Variants in ICA1L observed in about 807,000 individuals in gnomAD.
ICA1L encodes the protein islet cell autoantigen 1-like protein.
Under a neutral mutation model 61.3 loss-of-function variants are expected in ICA1L, and 50 were observed. That is an observed-to-expected ratio of 0.82 (90% CI 0.65 to 1.03). ICA1L has a LOEUF of 1.03. ICA1L is among the 50% of genes least tolerant of loss of function. ICA1L has a pLI of 0.00. For synonymous variants in ICA1L, 161 were observed against 191.3 expected (o/e 0.84, Z 1.31); for missense variants, 508 against 556.7 (o/e 0.91, Z 0.88).
intron 1 of ICA1L, among the ~76,000 whole-genome samples, chr2:202,861,275 C>T (rs141056402): frequency 1.9e-4 from 29 of 150,826 alleles, no homozygotes; most frequent in African/African-American, 6.1e-4. Flanking sequence ...AGTGGTGGCT[C>T]GCACCTGTAG....
chr2:202,866,072 A>G (rs1044876836), intron 1 of ICA1L, among the ~76,000 whole-genome samples: 2 of 152,262 alleles, frequency 1.3e-5, no homozygotes, highest in African/African-American at 4.8e-5. Flanking sequence ...ACACACAGAA[A>G]TAGATCCATA....
chr2:202,821,625 A>G (rs549199293), intron 3 of ICA1L, 144 bp from the exon 4 acceptor site: 6 of 552,762 alleles, frequency 1.1e-5, no homozygotes, highest in South Asian at 7.4e-5. Context: ...TTTAAATGCA[A>G]TTCCTGGGCT....
rs192708880 is a variant in ICA1L at position 202,853,226 on chromosome 2, G to A, written c.-8+18393C>T. 5.5e-3 allele frequency among the ~76,000 whole-genome samples: 829 copies of A among 151,544 alleles called. 5 individuals are homozygous for A. The highest frequency in any genetic ancestry group is 0.019 in the African/African-American group (788 of 41,344). On this transcript the variant is annotated intron_variant, in intron 1 of 12. Transcript: ENST00000358299. ...ACAAAAATTAGCTGGGCGTAGTGGC[G>A]GGCACCTGTAGTCCCAGCTACTCGG...
intron 3 of ICA1L, among the ~76,000 whole-genome samples, chr2:202,822,269 C>T (rs1693723293): frequency 6.6e-6 from 1 of 152,156 alleles, no homozygotes; most frequent in African/African-American, 2.4e-5. Context: ...TCAAGTGATC[C>T]TCCTGCCTCA....
chr2:202,868,220 A>G (rs1687579392), intron 1 of ICA1L, among the ~76,000 whole-genome samples: 1 of 152,232 alleles, frequency 6.6e-6, no homozygotes, highest in African/African-American at 2.4e-5. Flanking sequence ...TCCCCTCAAA[A>G]ACAAAAAAAA....
intron 2 of ICA1L, among the ~76,000 whole-genome samples, chr2:202,827,054 G>C (rs776532502): frequency 6.6e-6 from 1 of 152,098 alleles, no homozygotes. Context: ...ATCTGGATTT[G>C]GCAATTGTAA....
intron 1 of ICA1L, among the ~76,000 whole-genome samples, chr2:202,857,708 A>T (rs1331411781): frequency 6.6e-6 from 1 of 152,164 alleles, no homozygotes; most frequent in Non-Finnish European, 1.5e-5. Context: ...ATGGGGGAAA[A>T]TTTTTGCAAT....
At chr2:202,792,193 T>C (rs201507949) in intron 10 of ICA1L, among the ~76,000 whole-genome samples, 1 of 152,016 alleles carries the variant, frequency 6.6e-6, no homozygotes, top group East Asian at 1.9e-4. Flanking sequence ...ATATAGACAA[T>C]ACCAAATGTT....
intron 2 of ICA1L, among the ~76,000 whole-genome samples, chr2:202,826,255 CT>C (rs1281137850): frequency 2.6e-5 from 4 of 151,748 alleles, no homozygotes; most frequent in Non-Finnish European, 4.4e-5. Context: ...TTTTTATATT[CT>C]TTTTTTAGAA....
Position 202,828,974 on chromosome 2 carries a change from AT to A in ICA1L, c.35del (p.Asn12IlefsTer4). ...DSFGQPRPED[N>X]QSVVRRMQKK... ...TTTGCATTCTTCTGACTACTGACTG[AT>A]TATCTTCTGGTCTGGGTTGCCCAAA... On this transcript the variant is annotated frameshift_variant, in exon 2 of 13. Transcript: ENST00000358299. LOFTEE classifies it high-confidence loss of function. 6.2e-7 allele frequency: 1 copy of A among 1,604,146 alleles called. No individual in the cohort carries two copies. The highest frequency in any genetic ancestry group is 8.5e-7 in the Non-Finnish European group (1 of 1,175,528).
intron 1 of ICA1L, among the ~76,000 whole-genome samples, chr2:202,848,380 G>A (rs1405335159): frequency 1.3e-5 from 2 of 152,202 alleles, no homozygotes; most frequent in Non-Finnish European, 2.9e-5. Flanking sequence ...ACCGAAACAA[G>A]TTTACTGAAG....
chr2:202,842,255 T>A (rs1180770763), intron 1 of ICA1L, among the ~76,000 whole-genome samples: 2 of 152,224 alleles, frequency 1.3e-5, no homozygotes, highest in African/African-American at 4.8e-5. Context: ...ACCAATGAGT[T>A]TTATACTTTT....
chr2:202,840,461 G>A (rs1434173188), intron 1 of ICA1L: 2 of 502,362 alleles, frequency 4.0e-6, no homozygotes, highest in African/African-American at 1.9e-5. Context: ...GCCAAAGCTG[G>A]AGCCGAGGCC....
chr2:202,867,565 T>C (rs1440435645), intron 1 of ICA1L, among the ~76,000 whole-genome samples: 1 of 152,202 alleles, frequency 6.6e-6, no homozygotes, highest in Non-Finnish European at 1.5e-5. Flanking sequence ...TGGTCCATCA[T>C]TGACCAAAAC....
chr2:202,829,011 G>C lies in ICA1L; in HGVS notation c.-2C>G. On this transcript the variant is annotated 5_prime_UTR_variant, in exon 2 of 13. Transcript: ENST00000358299. ...TCTGGGTTGCCCAAAGGAATCCATG[G>C]AGTGACTACAATGAACAGACTAAAA... is the stretch of plus-strand genomic sequence containing the variant. 6.4e-7 allele frequency: 1 copy of C among 1,566,436 alleles called. No individual in the cohort carries two copies. The highest frequency in any genetic ancestry group is 8.6e-7 in the Non-Finnish European group (1 of 1,162,194).
At chr2:202,825,090 G>C (rs964770558) in intron 3 of ICA1L, among the ~76,000 whole-genome samples, 2 of 152,166 alleles carry the variant, frequency 1.3e-5, no homozygotes, top group Non-Finnish European at 2.9e-5. Flanking sequence ...TTTCTGTAAA[G>C]AGCAGCAGAG....
rs765750004 is a variant in ICA1L at position 202,796,959 on chromosome 2, T to C, written c.916A>G (p.Lys306Glu). 1 of 1,593,786 alleles carries C rather than the reference T, an allele frequency of 6.3e-7. No homozygotes were observed. The highest frequency in any genetic ancestry group is 8.5e-7 in the Non-Finnish European group (1 of 1,172,450). Residue 306 changes from lysine to glutamate, a missense_variant, in exon 10 of 13, where the codon AAA (lysine) becomes GAA (glutamate). Coordinates refer to ENST00000358299, the MANE Select transcript of ICA1L (RefSeq NM_001288622.3). ...TGAGAATGTTTTTCATTGTGATCTT[T>C]GTTTGCTAAATCAAAAGCACATAAA... ...EASFESEQAN[K>E]DHNEKHSQMR...
At chr2:202,815,534 A>G (rs1168914825) in intron 7 of ICA1L, among the ~76,000 whole-genome samples, 1 of 152,208 alleles carries the variant, frequency 6.6e-6, no homozygotes, top group Non-Finnish European at 1.5e-5. Flanking sequence ...TTAAGAGCAC[A>G]TGACCACTTT....
At chr2:202,787,279 T>A (rs1403662000) in intron 11 of ICA1L, among the ~76,000 whole-genome samples, 1 of 152,174 alleles carries the variant, frequency 6.6e-6, no homozygotes, top group Non-Finnish European at 1.5e-5. Flanking sequence ...AGCACATATT[T>A]TGAGTAGTGA....
Sources: allele counts gnomAD v4.1 joint callset (sites outside exome capture counted in the v4.1 genomes callset), GRCh38; gene constraint gnomAD v4.1.1; transcripts MANE v1.5; gene names NCBI Gene and HGNC (gene_info 2026-07-23, HGNC 2026-07-21).